Variants in NHLRC2 observed in about 807,000 individuals in gnomAD.
NHLRC2 encodes NHL repeat-containing protein 2.
In NHLRC2, 33 loss-of-function variants were observed where a neutral mutation model predicts 68.1. The observed-to-expected ratio is 0.48, with a 90% CI of 0.37 to 0.65. NHLRC2 has a LOEUF of 0.65. Among genes scored for constraint, NHLRC2 ranks in the 30% least tolerant of loss-of-function variants. The pLI is 0.00. For synonymous variants in NHLRC2, 311 were observed against 309.6 expected (o/e 1.00, Z -0.05); for missense variants, 761 against 853.8 (o/e 0.89, Z 1.35).
chr10:113,887,032 C>CTAAATATAGGGAA (rs1846088847), intron 5 of NHLRC2, among the ~76,000 whole-genome samples: 1 of 152,022 alleles, frequency 6.6e-6, no homozygotes, highest in Admixed American at 6.6e-5. Flanking sequence ...AAGAAAACAA[C>CTAAATATAGGGAA]CTAACTAAAA....
intron 2 of NHLRC2, among the ~76,000 whole-genome samples, chr10:113,874,650 A>C: frequency 6.6e-6 from 1 of 151,952 alleles, no homozygotes; most frequent in Admixed American, 6.6e-5. Flanking sequence ...TTCTGCCCCA[A>C]TCTTATTTAT....
intron 3 of NHLRC2, among the ~76,000 whole-genome samples, chr10:113,878,991 C>A (rs925211747): frequency 6.6e-6 from 1 of 152,316 alleles, no homozygotes; most frequent in East Asian, 1.9e-4. Context: ...ATTCTCCACC[C>A]TTGAAACTCT....
chr10:113,904,282 A>G (rs904839605), intron 9 of NHLRC2, among the ~76,000 whole-genome samples: 1 of 152,130 alleles, frequency 6.6e-6, no homozygotes, highest in African/African-American at 2.4e-5. Flanking sequence ...GTGGTTTCTT[A>G]TAGAATTTTC....
At chr10:113,884,570 A>G (rs1164433286) in intron 5 of NHLRC2, among the ~76,000 whole-genome samples, 190 bp downstream of exon 5, 1 of 151,204 alleles carries the variant, frequency 6.6e-6, no homozygotes, top group African/African-American at 2.4e-5. Flanking sequence ...ATACTAGAGT[A>G]TGTATTATAT....
At chr10:113,874,950 G>A (rs937227092) in intron 2 of NHLRC2, among the ~76,000 whole-genome samples, 1 of 149,692 alleles carries the variant, frequency 6.7e-6, no homozygotes, top group African/African-American at 2.5e-5. Context: ...CTTCATTTGT[G>A]TTTTTCTTTA....
intron 2 of NHLRC2, 101 bp from the exon 3 acceptor site, chr10:113,876,420 C>A: frequency 3.1e-6 from 2 of 641,474 alleles, no homozygotes; most frequent in Non-Finnish European, 2.5e-6. Context: ...TTTTTTTAAT[C>A]TATGGACTTT....
In NHLRC2 at chr10:113,854,787, G is replaced by T; in HGVS notation, c.-86G>T. The T allele has an allele frequency of 1.7e-6, 2 of 1,197,454 alleles. No individual in the cohort carries two copies. The highest frequency in any genetic ancestry group is 2.3e-6 in the Non-Finnish European group (2 of 871,520). The allele number at this position is 1,197,454 out of a possible 1,614,324, so 74.2% of individuals were successfully genotyped here. A position where few individuals can be genotyped will look rare whatever the true frequency, so the allele number is the denominator to read the frequency against. On this transcript the variant is annotated 5_prime_UTR_variant, in exon 1 of 11. Coordinates refer to ENST00000369301, the MANE Select transcript of NHLRC2 (RefSeq NM_198514.4). The stretch of plus-strand genomic sequence containing the variant: ...GGAGGGTGAGGTGAATGCGCCGTTT[G>T]GAAACCACAGGACAGTGAACGTTTC...
intron 2 of NHLRC2, among the ~76,000 whole-genome samples, chr10:113,869,608 T>C (rs1026463028): frequency 1.3e-5 from 2 of 152,196 alleles, no homozygotes; most frequent in African/African-American, 4.8e-5. Flanking sequence ...CCTTCAGCGT[T>C]CTCTGCACCT....
intron 2 of NHLRC2, among the ~76,000 whole-genome samples, chr10:113,874,418 C>T (rs1190211028): frequency 6.9e-6 from 1 of 145,876 alleles, no homozygotes; most frequent in Non-Finnish European, 1.5e-5. Flanking sequence ...CATCTTTTTT[C>T]CCAGCTGCTT....
intron 4 of NHLRC2, among the ~76,000 whole-genome samples, chr10:113,880,787 T>C (rs957563742): frequency 6.6e-6 from 1 of 151,948 alleles, no homozygotes; most frequent in African/African-American, 2.4e-5. Context: ...TGGATGAATT[T>C]ATGAGCAAAT....
At chr10:113,900,646 G>C (rs1012695718) in intron 6 of NHLRC2, among the ~76,000 whole-genome samples, 1 of 152,000 alleles carries the variant, frequency 6.6e-6, no homozygotes, top group Non-Finnish European at 1.5e-5. Context: ...AAAGTATTAA[G>C]ACTCCTTGTA....
chr10:113,855,018 A>G lies in NHLRC2; in HGVS notation c.146A>G (p.Glu49Gly). 6.4e-7 allele frequency: 1 copy of G among 1,553,228 alleles called. No individual in the cohort carries two copies. Reference protein sequence around the residue: ...YQYLQKVDGWEQDLSVPEFPE... With the variant: ...YQYLQKVDGWGQDLSVPEFPE... Reference sequence around the variant, plus strand: ...TATCTGCAGAAGGTGGACGGCTGGGAGCAGGACTTGTCAGTACCCGAGTTT... The same window carrying G: ...TATCTGCAGAAGGTGGACGGCTGGGGGCAGGACTTGTCAGTACCCGAGTTT... The change falls in exon 1 of 11, where the codon GAG becomes GGG. Residue 49 changes from glutamate to glycine, a missense_variant. By Grantham distance (98) the Glu-to-Gly change is moderately conservative (BLOSUM62 -2). Coordinates refer to ENST00000369301, the MANE Select transcript of NHLRC2 (RefSeq NM_198514.4).
chr10:113,916,015 A>G lies in NHLRC2; in HGVS notation c.*7479A>G, dbSNP rs752069822. On this transcript the variant is annotated 3_prime_UTR_variant, in exon 11 of 11. Transcript: ENST00000369301. Reference sequence around the variant, plus strand: ...AGGGCAAAACATTAGTTGATAAATTATGCTAATTAATGGGAAAAATAGACA... The same window carrying G: ...AGGGCAAAACATTAGTTGATAAATTGTGCTAATTAATGGGAAAAATAGACA... 2 of 152,224 alleles carry G rather than the reference A, an allele frequency of 1.3e-5. No homozygotes were observed. Among genetic ancestry groups the G allele is most frequent in the Non-Finnish European group, 2.9e-5 (2 of 68,036 alleles). The allele number at this position is 152,224 out of a possible 1,614,324, so 9.4% of individuals were successfully genotyped here. A position where few individuals can be genotyped will look rare whatever the true frequency, so the allele number is the denominator to read the frequency against.
chr10:113,908,116 A>G (rs1363917830), intron 10 of NHLRC2, among the ~76,000 whole-genome samples, 164 bp from the exon 11 acceptor site: 1 of 152,210 alleles, frequency 6.6e-6, no homozygotes, highest in African/African-American at 2.4e-5. Context: ...ATGAGTGGTC[A>G]GTATATGTTA....
In NHLRC2 at chr10:113,877,047, A is replaced by G. The variant is rs191979076; in HGVS notation, c.787+71A>G. ...AAAAATAGTTCAAGGTAAATATAAA[A>G]GTTGAAATGTCTAAATGAAAACTAA... On this transcript the variant is annotated intron_variant, in intron 3 of 10. Coordinates refer to ENST00000369301, the MANE Select transcript of NHLRC2 (RefSeq NM_198514.4). 38 of 889,606 alleles carry G rather than the reference A, an allele frequency of 4.3e-5. No individual in the cohort carries two copies. The Admixed American group carries it at 6.0e-4, about 14-fold the overall frequency. The allele number at this position is 889,606 out of a possible 1,614,324, so 55.1% of individuals were successfully genotyped here. A position where few individuals can be genotyped will look rare whatever the true frequency, so the allele number is the denominator to read the frequency against.
intron 2 of NHLRC2, among the ~76,000 whole-genome samples, chr10:113,860,118 T>A (rs1370332875): frequency 6.6e-6 from 1 of 152,234 alleles, no homozygotes; most frequent in African/African-American, 2.4e-5. Context: ...CTTAATAGTT[T>A]AGACTTTTCC....
chr10:113,902,638 G>A, intron 8 of NHLRC2, 45 bp downstream of exon 8: 6 of 1,562,348 alleles, frequency 3.8e-6, no homozygotes, highest in Non-Finnish European at 4.4e-6. Context: ...TTTGTGTGTG[G>A]CATTTAAAAT....
chr10:113,893,171 A>T lies in NHLRC2; in HGVS notation c.1040-4939A>T, dbSNP rs572580353. Among the ~76,000 whole-genome samples, 53 of 152,052 alleles carry T rather than the reference A, an allele frequency of 3.5e-4. 1 individual carries two copies. Among genetic ancestry groups the T allele is most frequent in the Admixed American group, 5.9e-4 (9 of 15,260 alleles). ...ACCTCACTATGCATCCCGGAGTAGG[A>T]GGCTGTGGGTACATTTAATCAGATC... On this transcript the variant is annotated intron_variant, in intron 5 of 10. Coordinates refer to ENST00000369301, the MANE Select transcript of NHLRC2 (RefSeq NM_198514.4).
chr10:113,914,829 G>C lies in NHLRC2; in HGVS notation c.*6293G>C, dbSNP rs935488729. 2.6e-5 allele frequency: 9 copies of C among 346,282 alleles called. No individual in the cohort carries two copies. The highest frequency in any genetic ancestry group is 1.7e-4 in the African/African-American group (8 of 46,552). 21.5% of individuals were successfully genotyped at this position (346,282 alleles called of 1,614,324 possible). A position where few individuals can be genotyped will look rare whatever the true frequency, so the allele number is the denominator to read the frequency against. On this transcript the variant is annotated 3_prime_UTR_variant, in exon 11 of 11. Transcript: ENST00000369301. ...GAGTTTGCTTTTTTCCCATGTCTTT[G>C]CAATAGGATAATATAAAGAATAGTA...
Sources: allele counts gnomAD v4.1 joint callset (sites outside exome capture counted in the v4.1 genomes callset), GRCh38; gene constraint gnomAD v4.1.1; transcripts MANE v1.5; gene names NCBI Gene and HGNC (gene_info 2026-07-23, HGNC 2026-07-21).